Variants in PDE6B observed in about 807,000 individuals in gnomAD.
The protein encoded by PDE6B is rod cGMP-specific 3',5'-cyclic phosphodiesterase subunit beta.
In PDE6B, 106 loss-of-function variants were observed where a neutral mutation model predicts 109.0. The ratio of observed to expected loss-of-function variants is 0.97; its 90% confidence interval spans 0.83 to 1.14. The LOEUF (loss-of-function observed/expected upper bound fraction) is 1.14, where lower values mean the gene tolerates loss of function less well. Ranked by LOEUF, PDE6B falls within the 50% of genes most tolerant of loss-of-function variation. The pLI, the probability that PDE6B is intolerant of heterozygous loss-of-function variation, is 0.00. For missense variants in PDE6B, 1,193 were observed against 1,155.6 expected (o/e 1.03, Z -0.47); for synonymous variants, 490 against 471.3 (o/e 1.04, Z -0.51).
At position 633,477 on chromosome 4, in the gene PDE6B, C is replaced by A. The variant is rs549614130; in HGVS notation, c.469-1200C>A. ...CCAGCCCCCAGCAGGCTTCCTCTGA[C>A]CTCTCAACCTTGCTGCAGGGGAAGG... On this transcript the variant is annotated intron_variant, in intron 1 of 21. Transcript: ENST00000496514. The surrounding 1 kb of genome is among the most constrained non-coding windows in gnomAD (Gnocchi z 4.5). Among the ~76,000 whole-genome samples, 2 of 152,272 alleles carry A rather than the reference C, an allele frequency of 1.3e-5. No individual in the cohort carries two copies. Among genetic ancestry groups the A allele is most frequent in the Non-Finnish European group, 2.9e-5 (2 of 67,998 alleles).
chr4:665,029 C>G lies in PDE6B; in HGVS notation c.2193+85C>G. On this transcript the variant is annotated intron_variant, in intron 18 of 21. Transcript: ENST00000496514. This position sits in a 1 kb window ranked among gnomAD's most constrained non-coding sequence, Gnocchi z 4.0. ...GGCGGGCGGGAGCCTCGGATGGCAACGGACCATTGTTTGCAAGGAGCTCTG... is the reference window on the plus strand; with the variant it reads ...GGCGGGCGGGAGCCTCGGATGGCAAGGGACCATTGTTTGCAAGGAGCTCTG... 8.8e-7 allele frequency: 1 copy of G among 1,139,978 alleles called. No individual in the cohort carries two copies. Among genetic ancestry groups the G allele is most frequent in the Non-Finnish European group, 1.3e-6 (1 of 752,884 alleles). The allele number at this position is 1,139,978 out of a possible 1,614,324, so 70.6% of individuals were successfully genotyped here.
chr4:662,648 AGCCCTAAATCAACTCCAC>A lies in PDE6B; in HGVS notation c.1832+36_1832+53del, dbSNP rs747318168. The A allele has an allele frequency of 3.0e-6, 4 of 1,350,748 alleles. No homozygotes were observed. The highest frequency in any genetic ancestry group is 1.7e-5 in the Admixed American group (1 of 59,692). 83.7% of individuals were successfully genotyped at this position (1,350,748 alleles called of 1,614,324 possible). On this transcript the variant is annotated intron_variant, in intron 14 of 21. Transcript: ENST00000496514. This position sits in a 1 kb window ranked among gnomAD's most constrained non-coding sequence, Gnocchi z 4.3. ...GCACCTCAGGGCGGGCATGTGAATT[AGCCCTAAATCAACTCCAC>A]GCCCTTGGCGTGAATTAGGCTTCGC...
intron 3 of PDE6B, among the ~76,000 whole-genome samples, chr4:637,849 T>C (rs527807896): frequency 6.6e-6 from 1 of 152,360 alleles, no homozygotes; most frequent in Admixed American, 6.5e-5. Flanking sequence ...TTCTTCCTCT[T>C]GCTGCTGTGT....
At chr4:637,586 C>T (rs1284084458) in intron 3 of PDE6B, among the ~76,000 whole-genome samples, 3 of 152,202 alleles carry the variant, frequency 2.0e-5, no homozygotes, top group Non-Finnish European at 4.4e-5. Flanking sequence ...TTGCCATCAG[C>T]CACTTCTCCA....
At chr4:658,762 C>G (rs1736675114) in intron 10 of PDE6B, among the ~76,000 whole-genome samples, 190 bp from the exon 11 acceptor site, 1 of 151,450 alleles carries the variant, frequency 6.6e-6, no homozygotes, top group African/African-American at 2.4e-5. Context: ...CGAGAGAGGA[C>G]AGGTGGGAAA....
chr4:643,354 A>G (rs1436502741), intron 3 of PDE6B, among the ~76,000 whole-genome samples: 3 of 152,256 alleles, frequency 2.0e-5, no homozygotes, highest in African/African-American at 7.2e-5. Flanking sequence ...TTCATGAGCT[A>G]CATTGGTCTG....
At chr4:642,777 T>C (rs1479431453) in intron 3 of PDE6B, among the ~76,000 whole-genome samples, 1 of 150,818 alleles carries the variant, frequency 6.6e-6, no homozygotes, top group African/African-American at 2.5e-5. Flanking sequence ...AGGGTTTTTG[T>C]TGAATTTTTA....
chr4:631,063 G>T (rs1042888501), intron 1 of PDE6B, among the ~76,000 whole-genome samples: 4 of 152,222 alleles, frequency 2.6e-5, no homozygotes, highest in South Asian at 4.1e-4. Context: ...GAGAAAAGAC[G>T]GCAGACGAAC....
At chr4:650,643 G>A (rs1384086778) in intron 3 of PDE6B, among the ~76,000 whole-genome samples, 1 of 152,182 alleles carries the variant, frequency 6.6e-6, no homozygotes, top group African/African-American at 2.4e-5. Context: ...GACAGAAACA[G>A]CTCCGACACC....
rs770752138 is a variant in PDE6B, at chr4:662,095, G to A, written c.1615-39G>A. 14 of 1,014,812 alleles carry A rather than the reference G, an allele frequency of 1.4e-5. No individual in the cohort carries two copies. The highest frequency in any genetic ancestry group is 2.7e-5 in the South Asian group (2 of 73,626). 62.9% of individuals were successfully genotyped at this position (1,014,812 alleles called of 1,614,324 possible). A position where few individuals can be genotyped will look rare whatever the true frequency, so the allele number is the denominator to read the frequency against. ...GGTGCCGCTCTGGCGGGACTTACAC[G>A]CTTGCCGCCGGAGCCCTGTGTCCTC... is the stretch of plus-strand genomic sequence containing the variant. On this transcript the variant is annotated intron_variant, in intron 12 of 21. Transcript: ENST00000496514. The surrounding 1 kb of genome is among the most constrained non-coding windows in gnomAD (Gnocchi z 4.3).
intron 10 of PDE6B, among the ~76,000 whole-genome samples, chr4:658,044 T>A (rs1736557585): frequency 8.6e-6 from 1 of 116,318 alleles, no homozygotes; most frequent in Non-Finnish European, 1.7e-5. Flanking sequence ...GGGTCACGGC[T>A]GTGTGGTGGG....
At chr4:660,638 G>C (rs1305017840) in intron 12 of PDE6B, 25 bp downstream of exon 12, 1 of 1,611,010 alleles carries the variant, frequency 6.2e-7, no homozygotes, top group Non-Finnish European at 8.5e-7. Flanking sequence ...AGGGCGCATA[G>C]TCAGGTCCCT....
chr4:634,088 G>T (rs1389431483), intron 1 of PDE6B, among the ~76,000 whole-genome samples: 1 of 152,048 alleles, frequency 6.6e-6, no homozygotes, highest in East Asian at 1.9e-4. Flanking sequence ...ACCCCTGGGA[G>T]TGTGTGCCTG....
intron 21 of PDE6B, among the ~76,000 whole-genome samples, chr4:669,586 G>C (rs1183744035): frequency 1.4e-4 from 3 of 20,994 alleles, no homozygotes; most frequent in African/African-American, 7.5e-4. Context: ...TGCTATTCCC[G>C]CTACCCCATG....
Position 666,243 on chromosome 4 carries a change from C to G in PDE6B, c.2269-288C>G, listed in dbSNP as rs1371994023. Among the ~76,000 whole-genome samples the G allele has an allele frequency of 6.6e-6, 1 of 152,186 alleles. No homozygotes were observed. The highest frequency in any genetic ancestry group is 2.4e-5 in the African/African-American group (1 of 41,442). On this transcript the variant is annotated intron_variant, in intron 19 of 21. Transcript: ENST00000496514. This position sits in a 1 kb window ranked among gnomAD's most constrained non-coding sequence, Gnocchi z 5.6. ...CATCCCCCTCCCCGCCTCTCCCCAG[C>G]TGCAGTAAGGGTCCCCAGAGCCAAG...
rs1460007061 is a variant in PDE6B, at chr4:636,896, A to AC, written c.711+933dup. The stretch of plus-strand genomic sequence containing the variant: ...CCAGCCAGTGGACACCTGTGAGAAA[A>AC]CCCCCCGGAGGGAAGTCTCAGCCCC... On this transcript the variant is annotated intron_variant, in intron 3 of 21. Coordinates refer to ENST00000496514, the MANE Select transcript of PDE6B (RefSeq NM_000283.4). This position sits in a 1 kb window ranked among gnomAD's most constrained non-coding sequence, Gnocchi z 4.5. Among the ~76,000 whole-genome samples the AC allele has an allele frequency of 1.3e-5, 2 of 149,928 alleles. No homozygotes were observed. Among genetic ancestry groups the AC allele is most frequent in the African/African-American group, 4.9e-5 (2 of 40,546 alleles).
Position 662,405 on chromosome 4 carries a change from C to G in PDE6B, c.1723-104C>G. The G allele has an allele frequency of 1.1e-6, 1 of 881,960 alleles. No homozygotes were observed. Among genetic ancestry groups the G allele is most frequent in the Non-Finnish European group, 1.9e-6 (1 of 530,790 alleles). 54.6% of individuals were successfully genotyped at this position (881,960 alleles called of 1,614,324 possible). The stretch of plus-strand genomic sequence containing the variant: ...CCGCGCACCCCAGCCCTGCGGTGGT[C>G]GGAGGTCCAACCTCCAACCCGACGC... On this transcript the variant is annotated intron_variant, in intron 13 of 21. Transcript: ENST00000496514. The surrounding 1 kb of genome is among the most constrained non-coding windows in gnomAD (Gnocchi z 4.3).
At chr4:656,629 T>C (rs903249278) in intron 8 of PDE6B, among the ~76,000 whole-genome samples, 1 of 151,816 alleles carries the variant, frequency 6.6e-6, no homozygotes, top group African/African-American at 2.4e-5. Flanking sequence ...CACATGCCCA[T>C]GAAACCACTC....
At position 663,686 on chromosome 4, in the gene PDE6B, C is replaced by T. The variant is rs1737410613; in HGVS notation, c.1921-84C>T. ...AGGGCGGGGGCGTGAGAGGCACAGG[C>T]AGCCGAGGCGGAAGGGGCGGGGTCC... On this transcript the variant is annotated intron_variant, in intron 15 of 21. Transcript: ENST00000496514. This position sits in a 1 kb window ranked among gnomAD's most constrained non-coding sequence, Gnocchi z 4.0. 7.1e-6 allele frequency: 7 copies of T among 980,288 alleles called. No homozygotes were observed. The Admixed American group carries it at 7.5e-5, about 11-fold the overall frequency. 60.7% of individuals were successfully genotyped at this position (980,288 alleles called of 1,614,324 possible).
Sources: gnomAD v4.1 joint callset for allele counts (sites outside exome capture counted in the v4.1 genomes callset) on GRCh38, gnomAD v4.1.1 for gene constraint, Gnocchi (gnomAD v3.1) non-coding constraint, MANE v1.5 for transcripts, NCBI Gene and HGNC (gene_info 2026-07-23, HGNC 2026-07-21) for gene names.